The following EPHB2 variants were observed in gnomAD, a reference collection of about 807,000 sequenced individuals.
The protein encoded by EPHB2 is EPH receptor B2.
In EPHB2, 18 loss-of-function variants were observed where a neutral mutation model predicts 96.4. The ratio of observed to expected loss-of-function variants is 0.19; its 90% CI spans 0.13 to 0.28. EPHB2 has a LOEUF of 0.28. Among genes scored for constraint, EPHB2 ranks in the 10% least tolerant of loss-of-function variants. The pLI is 1.00. For synonymous variants in EPHB2, 506 were observed against 534.1 expected, an observed-to-expected ratio of 0.95 and a Z score of 0.72; for missense variants, 989 against 1,355.4, an observed-to-expected ratio of 0.73 and a Z score of 4.25.
intron 1 of EPHB2, among the ~76,000 whole-genome samples, chr1:22,768,070 T>C (rs75454941): frequency 0.011 from 1,610 of 152,300 alleles, 30 homozygotes; most frequent in East Asian, 0.04. Context: ...TCCACACTGC[T>C]GAGGGCTGCG....
At chr1:22,901,395 C>T (rs1570458961) in intron 9 of EPHB2, among the ~76,000 whole-genome samples, 1 of 152,224 alleles carries the variant, frequency 6.6e-6, no homozygotes, top group Admixed American at 6.5e-5. Flanking sequence ...TGGCTTCAAA[C>T]TCACAAAGCA....
chr1:22,853,933 C>T (rs1273595601), intron 3 of EPHB2, among the ~76,000 whole-genome samples: 3 of 152,236 alleles, frequency 2.0e-5, no homozygotes, highest in African/African-American at 4.8e-5. Flanking sequence ...CATGCTCATG[C>T]AGCTACCCAC....
At chr1:22,873,131 G>A (rs958239879) in intron 5 of EPHB2, among the ~76,000 whole-genome samples, 13 of 152,232 alleles carry the variant, frequency 8.5e-5, no homozygotes, top group African/African-American at 2.7e-4. Context: ...CCACAAAGCC[G>A]ACAGCATGGA....
intron 1 of EPHB2, chr1:22,774,691 G>A: frequency 1.1e-6 from 1 of 880,340 alleles, no homozygotes; most frequent in Non-Finnish European, 1.4e-6. Context: ...TTAAGAGCTA[G>A]GACTTGATCC....
intron 1 of EPHB2, among the ~76,000 whole-genome samples, chr1:22,713,177 C>T (rs1162789986): frequency 6.6e-6 from 1 of 152,078 alleles, no homozygotes; most frequent in Non-Finnish European, 1.5e-5. Flanking sequence ...AGCAGGCACC[C>T]CAATGCTTGC....
At chr1:22,877,449 G>C (rs1638878394) in intron 5 of EPHB2, among the ~76,000 whole-genome samples, 1 of 152,192 alleles carries the variant, frequency 6.6e-6, no homozygotes, top group Non-Finnish European at 1.5e-5. Flanking sequence ...TGACAAGCTT[G>C]TTTTAGTTGA....
intron 3 of EPHB2, among the ~76,000 whole-genome samples, chr1:22,825,061 C>G (rs1399820642): frequency 2.0e-5 from 3 of 152,242 alleles, no homozygotes; most frequent in Non-Finnish European, 4.4e-5. Context: ...GGAGCATAGT[C>G]TGTGACTGCA....
At chr1:22,873,487 C>A (rs937855206) in intron 5 of EPHB2, among the ~76,000 whole-genome samples, 1 of 152,230 alleles carries the variant, frequency 6.6e-6, no homozygotes, top group African/African-American at 2.4e-5. Context: ...TTGGCCACCA[C>A]AAGACACGTG....
At chr1:22,872,268 G>A (rs1408002952) in intron 5 of EPHB2, among the ~76,000 whole-genome samples, 1 of 152,070 alleles carries the variant, frequency 6.6e-6, no homozygotes, top group African/African-American at 2.4e-5. Flanking sequence ...AGCAGCAGCA[G>A]GGCATTGAGT....
At chr1:22,905,055 T>C (rs566907115) in intron 9 of EPHB2, among the ~76,000 whole-genome samples, 1 of 152,132 alleles carries the variant, frequency 6.6e-6, no homozygotes, top group South Asian at 2.1e-4. Context: ...GAGGTCTGGA[T>C]GTTGGAAGAC....
At chr1:22,738,921 G>T (rs572740149) in intron 1 of EPHB2, among the ~76,000 whole-genome samples, 1 of 152,312 alleles carries the variant, frequency 6.6e-6, no homozygotes, top group African/African-American at 2.4e-5. Flanking sequence ...AGTCTAGCAG[G>T]TTGGGGAGGA....
At chr1:22,801,060 A>G (rs997001218) in intron 3 of EPHB2, among the ~76,000 whole-genome samples, 1 of 152,190 alleles carries the variant, frequency 6.6e-6, no homozygotes, top group African/African-American at 2.4e-5. Flanking sequence ...GCAGGGGTAC[A>G]GGGGGCAGGC....
chr1:22,768,085 C>T (rs1410343515), intron 1 of EPHB2, among the ~76,000 whole-genome samples: 2 of 152,128 alleles, frequency 1.3e-5, no homozygotes, highest in Non-Finnish European at 2.9e-5. Flanking sequence ...GCTGCGGAGG[C>T]GGTCCTGGAG....
chr1:22,769,071 C>A (rs1248893668), intron 1 of EPHB2, among the ~76,000 whole-genome samples: 1 of 152,166 alleles, frequency 6.6e-6, no homozygotes, highest in Non-Finnish European at 1.5e-5. Flanking sequence ...TGAGGCTGAA[C>A]CTGGTTTAAG....
At chr1:22,887,212 GA>G (rs999786534) in intron 6 of EPHB2, among the ~76,000 whole-genome samples, 1 of 152,228 alleles carries the variant, frequency 6.6e-6, no homozygotes, top group African/African-American at 2.4e-5. Context: ...GGTAGGAGCA[GA>G]ACCAAGAGTC....
intron 1 of EPHB2, among the ~76,000 whole-genome samples, chr1:22,751,755 C>T (rs1427772950): frequency 6.6e-6 from 1 of 152,188 alleles, no homozygotes; most frequent in African/African-American, 2.4e-5. Context: ...CTGGGAGGAT[C>T]ACCTGCCACA....
At position 22,913,869 on chromosome 1, in the gene EPHB2, A is replaced by G. The variant is rs769843535; in HGVS notation, c.*299A>G. ...AGCAATGACTGTTCTTGCGGGGGAT[A>G]AAAAAGGGCTTGGGAGATTCATGCG... On this transcript the variant is annotated 3_prime_UTR_variant, in exon 16 of 16. Coordinates refer to ENST00000374630, the MANE Select transcript of EPHB2 (RefSeq NM_017449.5). This position sits in a 1 kb window ranked among gnomAD's most constrained non-coding sequence, Gnocchi z 4.1. 2.1e-5 allele frequency: 33 copies of G among 1,595,532 alleles called. No individual in the cohort carries two copies. The African/African-American group carries it at 4.1e-4, about 20-fold the overall frequency.
intron 1 of EPHB2, among the ~76,000 whole-genome samples, chr1:22,712,025 G>T (rs1265674782): frequency 6.6e-6 from 1 of 152,224 alleles, no homozygotes; most frequent in Non-Finnish European, 1.5e-5. Context: ...GCACTTTACA[G>T]TTTTCAAACC....
rs1470511228 is a variant in EPHB2, at chr1:22,860,682, C to G, written c.812-2355C>G. Among the ~76,000 whole-genome samples, 1 of 152,124 alleles carries G rather than the reference C, an allele frequency of 6.6e-6. No individual in the cohort carries two copies. The highest frequency in any genetic ancestry group is 2.4e-5 in the African/African-American group (1 of 41,410). The stretch of plus-strand genomic sequence containing the variant: ...GGGCAGGCTGTCTCCAGAGAGGGAG[C>G]AGGAGGAGCCTGATCTTGGGGCCAA... On this transcript the variant is annotated intron_variant, in intron 3 of 15. Transcript: ENST00000374630. The surrounding 1 kb of genome is among the most constrained non-coding windows in gnomAD (Gnocchi z 4.6).
Sources: gnomAD v4.1 joint callset for allele counts (sites outside exome capture counted in the v4.1 genomes callset) on GRCh38, gnomAD v4.1.1 for gene constraint, Gnocchi (gnomAD v3.1) non-coding constraint, MANE v1.5 for transcripts, NCBI Gene and HGNC (gene_info 2026-07-23, HGNC 2026-07-21) for gene names.